RBMS1: variants seen among roughly 807,000 people sequenced by gnomAD.
RBMS1 encodes the protein RNA binding motif single stranded interacting protein 1, also known as RNA-binding motif, single-stranded-interacting protein 1.
In RBMS1, 17 loss-of-function variants were observed where a neutral mutation model predicts 62.3. The ratio of observed to expected loss-of-function variants is 0.27; its 90% CI spans 0.19 to 0.41. RBMS1 has a LOEUF of 0.41. RBMS1 is among the 10% of genes least tolerant of loss of function. The pLI is 1.00. For missense variants in RBMS1, 334 were observed against 504.5 expected (o/e 0.66, Z 3.24); for synonymous variants, 172 against 170.0 (o/e 1.01, Z -0.09).
intron 1 of RBMS1, among the ~76,000 whole-genome samples, chr2:160,419,473 T>C (rs1321952462): frequency 2.0e-5 from 3 of 152,204 alleles, no homozygotes; most frequent in Admixed American, 1.3e-4. Flanking sequence ...TAAACTCTTG[T>C]AGTTCAAAAT....
intron 1 of RBMS1, among the ~76,000 whole-genome samples, chr2:160,445,335 A>T (rs1468571217): frequency 6.6e-6 from 1 of 152,250 alleles, no homozygotes; most frequent in Non-Finnish European, 1.5e-5. Flanking sequence ...TCAGATTTTT[A>T]GCATAACTAG....
At chr2:160,319,480 C>G (rs1690429398) in intron 2 of RBMS1, among the ~76,000 whole-genome samples, 1 of 152,174 alleles carries the variant, frequency 6.6e-6, no homozygotes, top group African/African-American at 2.4e-5. Flanking sequence ...CCACTGCACT[C>G]CACCCTGGGC....
At chr2:160,326,254 T>G (rs940550976) in intron 2 of RBMS1, among the ~76,000 whole-genome samples, 1 of 152,226 alleles carries the variant, frequency 6.6e-6, no homozygotes, top group Non-Finnish European at 1.5e-5. Flanking sequence ...GTTTACAGTA[T>G]GCCCTTTCAA....
intron 7 of RBMS1, among the ~76,000 whole-genome samples, chr2:160,286,302 T>C (rs555347642): frequency 1.6e-4 from 23 of 147,682 alleles, no homozygotes; most frequent in African/African-American, 5.0e-4. Flanking sequence ...TTTCTTCCTT[T>C]CTTTTTTTTT....
intron 2 of RBMS1, among the ~76,000 whole-genome samples, chr2:160,366,125 C>G (rs1460197388): frequency 6.6e-6 from 1 of 152,214 alleles, no homozygotes. Flanking sequence ...CAACCACCTG[C>G]TGTCCCACCC....
rs1181560479 is a variant in RBMS1 at position 160,273,829 on chromosome 2, C to T, written c.*943G>A. On this transcript the variant is annotated 3_prime_UTR_variant, in exon 14 of 14. Transcript: ENST00000348849. ...TTACATTGCATCATACAGCAGATAT[C>T]CTAAATCAGTCAAACTATCAGAGGA... The T allele has an allele frequency of 4.7e-5, 7 of 149,056 alleles. No homozygotes were observed. The highest frequency in any genetic ancestry group is 1.0e-4 in the Non-Finnish European group (7 of 67,626). 9.2% of individuals were successfully genotyped at this position (149,056 alleles called of 1,614,324 possible).
intron 2 of RBMS1, among the ~76,000 whole-genome samples, chr2:160,323,633 T>C (rs1268669026): frequency 7.7e-6 from 1 of 129,286 alleles, no homozygotes; most frequent in Non-Finnish European, 1.7e-5. Flanking sequence ...AAAAAAAAAC[T>C]GTGACTATGA....
intron 1 of RBMS1, among the ~76,000 whole-genome samples, chr2:160,423,916 C>A (rs1237812581): frequency 6.6e-6 from 1 of 152,128 alleles, no homozygotes; most frequent in Non-Finnish European, 1.5e-5. Context: ...GTAAACTCGT[C>A]CAGAGCATCC....
At chr2:160,352,581 A>G (rs896409950) in intron 2 of RBMS1, among the ~76,000 whole-genome samples, 4 of 152,152 alleles carry the variant, frequency 2.6e-5, no homozygotes, top group African/African-American at 7.2e-5. Context: ...CACTAGACAA[A>G]TGTATCTCCT....
chr2:160,326,761 G>A (rs531220283), intron 2 of RBMS1, among the ~76,000 whole-genome samples: 3 of 152,150 alleles, frequency 2.0e-5, no homozygotes, highest in Non-Finnish European at 2.9e-5. Flanking sequence ...CGAGACGGAG[G>A]GGGTGAATGG....
intron 2 of RBMS1, among the ~76,000 whole-genome samples, chr2:160,342,185 T>C (rs1371001375): frequency 6.6e-6 from 1 of 152,192 alleles, no homozygotes; most frequent in Non-Finnish European, 1.5e-5. Flanking sequence ...AATCTAAATC[T>C]ATGTTCCCAT....
chr2:160,405,834 C>T (rs1695675704), intron 1 of RBMS1, among the ~76,000 whole-genome samples: 1 of 152,144 alleles, frequency 6.6e-6, no homozygotes, highest in Non-Finnish European at 1.5e-5. Flanking sequence ...TAACACCCCG[C>T]CGGGTTTTGA....
At chr2:160,364,950 G>A (rs1693319344) in intron 2 of RBMS1, among the ~76,000 whole-genome samples, 1 of 152,042 alleles carries the variant, frequency 6.6e-6, no homozygotes, top group Non-Finnish European at 1.5e-5. Flanking sequence ...TTAGAGGTAT[G>A]GATTTATATC....
chr2:160,434,190 A>G (rs1683022095), intron 1 of RBMS1, among the ~76,000 whole-genome samples: 1 of 152,220 alleles, frequency 6.6e-6, no homozygotes, highest in Admixed American at 6.5e-5. Flanking sequence ...TAATGAAATA[A>G]CATTCAATAG....
At chr2:160,473,109 T>A (rs754049040) in intron 1 of RBMS1, among the ~76,000 whole-genome samples, 3 of 152,228 alleles carry the variant, frequency 2.0e-5, no homozygotes, top group Non-Finnish European at 2.9e-5. Context: ...TAAGTGACAG[T>A]TGACTTCTCT....
intron 1 of RBMS1, among the ~76,000 whole-genome samples, chr2:160,471,717 A>ATATATATATATATATATATATATATG (rs1422014155): frequency 7.4e-5 from 4 of 53,970 alleles, no homozygotes; most frequent in East Asian, 2.2e-3. Flanking sequence ...ATATATATAT[A>ATATATATATATATATATATATATATG]ACCTTTCATA....
chr2:160,435,199 G>T lies in RBMS1; in HGVS notation c.75+58090C>A, dbSNP rs548640774. 7.2e-5 allele frequency among the ~76,000 whole-genome samples: 11 copies of T among 152,322 alleles called. No homozygotes were observed. In the South Asian group the frequency reaches 1.2e-3, roughly 17 times the overall value. On this transcript the variant is annotated intron_variant, in intron 1 of 13. Transcript: ENST00000348849. ...AAATAACCTACTGGATATACACTCT[G>T]TTGAGACCATGAGCCCCTTATGGGG...
chr2:160,377,428 G>C (rs956911729), intron 1 of RBMS1, among the ~76,000 whole-genome samples: 3 of 152,162 alleles, frequency 2.0e-5, no homozygotes, highest in African/African-American at 7.2e-5. Flanking sequence ...CAGCCATTTG[G>C]GGTGGGGTCA....
chr2:160,321,615 C>T (rs755578492), intron 2 of RBMS1, among the ~76,000 whole-genome samples: 7 of 152,020 alleles, frequency 4.6e-5, no homozygotes, highest in African/African-American at 1.4e-4. Context: ...ATCAAGCCCA[C>T]GACTTTCTAA....
Sources: gnomAD v4.1 joint callset for allele counts (sites outside exome capture counted in the v4.1 genomes callset) on GRCh38, gnomAD v4.1.1 for gene constraint, MANE v1.5 for transcripts, NCBI Gene and HGNC (gene_info 2026-07-23, HGNC 2026-07-21) for gene names.